The following PLCG2 variants were observed in gnomAD, a reference collection of about 807,000 sequenced individuals.
PLCG2 encodes the protein phospholipase C gamma 2, also known as 1-phosphatidylinositol 4,5-bisphosphate phosphodiesterase gamma-2.
Under a neutral mutation model 175.6 loss-of-function variants are expected in PLCG2, and 69 were observed. The observed-to-expected ratio is 0.39, with a 90% CI of 0.32 to 0.48. The LOEUF is 0.48. Ranked by LOEUF, PLCG2 falls within the 20% of genes least tolerant of loss-of-function variation. The probability of loss-of-function intolerance (pLI) is 0.91; values close to 1 mark genes in which losing one functional copy is unlikely to be tolerated. For missense variants in PLCG2, 1,798 were observed against 1,650.9 expected (o/e 1.09, Z -1.54); for synonymous variants, 827 against 624.0 (o/e 1.33, Z -4.85).
intron 11 of PLCG2, among the ~76,000 whole-genome samples, chr16:81,892,921 C>T (rs1010608123): frequency 2.0e-5 from 3 of 151,516 alleles, no homozygotes; most frequent in Non-Finnish European, 2.9e-5. Flanking sequence ...GATCTCAGCT[C>T]ACAACCTCCG....
At chr16:81,777,513 A>C (rs7195041), upstream of PLCG2, among the ~76,000 whole-genome samples, 85,039 of 151,258 alleles carry the variant, frequency 0.56, 24,352 homozygotes, top group South Asian at 0.75. Context: ...GAATTGGCCC[A>C]ATGACTTCAA....
intron 1 of PLCG2, among the ~76,000 whole-genome samples, chr16:81,783,514 A>T (rs758539452): frequency 1.2e-4 from 18 of 152,206 alleles, no homozygotes; most frequent in Non-Finnish European, 2.4e-4. Flanking sequence ...AGATGCTGCC[A>T]CAGGATTCTG....
chr16:81,837,831 T>C (rs1015029332), intron 2 of PLCG2, among the ~76,000 whole-genome samples: 4 of 152,116 alleles, frequency 2.6e-5, no homozygotes, highest in African/African-American at 9.7e-5. Flanking sequence ...AATGGTAATA[T>C]CTTGCAAACC....
intron 1 of PLCG2, among the ~76,000 whole-genome samples, chr16:81,784,706 C>G (rs1032972740): frequency 6.6e-6 from 1 of 152,180 alleles, no homozygotes; most frequent in African/African-American, 2.4e-5. Flanking sequence ...GATACATTAT[C>G]TTGTTTAAGC....
intron 1 of PLCG2, among the ~76,000 whole-genome samples, chr16:81,742,082 C>T (rs1201069142): frequency 2.7e-5 from 4 of 147,868 alleles, no homozygotes; most frequent in African/African-American, 1.0e-4. Flanking sequence ...TACTCGCTTC[C>T]TCCATGTGCT....
intron 1 of PLCG2, among the ~76,000 whole-genome samples, chr16:81,750,811 G>C (rs895718943): frequency 6.6e-6 from 1 of 150,586 alleles, no homozygotes; most frequent in African/African-American, 2.4e-5. Flanking sequence ...GGGACTACAG[G>C]CGCCTGCCAC....
intron 2 of PLCG2, among the ~76,000 whole-genome samples, chr16:81,851,174 C>G (rs1175169477): frequency 6.6e-6 from 1 of 152,162 alleles, no homozygotes; most frequent in African/African-American, 2.4e-5. Flanking sequence ...TCTTTAGTTA[C>G]TTTTTATTTT....
chr16:81,902,555 C>A (rs2143635622), intron 14 of PLCG2, among the ~76,000 whole-genome samples: 1 of 152,116 alleles, frequency 6.6e-6, no homozygotes, highest in East Asian at 1.9e-4. Flanking sequence ...ATAAGGGCAC[C>A]ATTCCCATTG....
intron 9 of PLCG2, among the ~76,000 whole-genome samples, chr16:81,884,273 C>T (rs1269656682): frequency 4.6e-5 from 7 of 152,060 alleles, no homozygotes; most frequent in Admixed American, 6.5e-5. Flanking sequence ...ATGGCTTGAA[C>T]CTGGGAGGTA....
chr16:81,843,506 C>G (rs1905944772), intron 2 of PLCG2, among the ~76,000 whole-genome samples: 1 of 152,180 alleles, frequency 6.6e-6, no homozygotes, highest in Admixed American at 6.5e-5. Flanking sequence ...AGCCAATTTC[C>G]TTAGTATCAC....
chr16:81,906,625 T>C (rs2143646321), intron 15 of PLCG2, among the ~76,000 whole-genome samples: 1 of 152,332 alleles, frequency 6.6e-6, no homozygotes, highest in East Asian at 1.9e-4. Context: ...TGTTTCGCCA[T>C]GTTGGCCAGG....
chr16:81,957,844 C>A, intron 32 of PLCG2, 112 bp from the exon 33 acceptor site: 2 of 918,610 alleles, frequency 2.2e-6, no homozygotes, highest in South Asian at 1.4e-5. Flanking sequence ...CAGCCCTATA[C>A]CATCCAGCTA....
intron 2 of PLCG2, among the ~76,000 whole-genome samples, chr16:81,814,353 G>C (rs544988551): frequency 1.6e-4 from 24 of 152,270 alleles, no homozygotes; most frequent in Non-Finnish European, 2.8e-4. Context: ...GAATGTTTAG[G>C]AGTGGAGGAT....
chr16:81,810,395 A>T (rs1010255892), intron 2 of PLCG2, among the ~76,000 whole-genome samples: 4 of 152,172 alleles, frequency 2.6e-5, no homozygotes, highest in Non-Finnish European at 5.9e-5. Flanking sequence ...GGCCTTCGTT[A>T]TTTGCAGCAT....
chr16:81,874,948 GTTTT>G (rs770994063), intron 7 of PLCG2, among the ~76,000 whole-genome samples: 12 of 40,766 alleles, frequency 2.9e-4, no homozygotes, highest in African/African-American at 8.6e-4. Context: ...TATCCTATGT[GTTTT>G]TTTTTTTTTT....
At chr16:81,756,198 C>T (rs906991055) in intron 2 of PLCG2, among the ~76,000 whole-genome samples, 2 of 152,236 alleles carry the variant, frequency 1.3e-5, no homozygotes, top group Admixed American at 1.3e-4. Context: ...GTCGGGGAGG[C>T]CCAATGGATG....
intron 21 of PLCG2, among the ~76,000 whole-genome samples, chr16:81,922,945 C>T (rs1429319180): frequency 1.3e-5 from 2 of 152,134 alleles, no homozygotes; most frequent in Non-Finnish European, 2.9e-5. Context: ...GTTACTCTTG[C>T]AAAATGTCAG....
intron 6 of PLCG2, 43 bp downstream of exon 6, chr16:81,869,341 T>A: frequency 7.3e-7 from 1 of 1,362,840 alleles, no homozygotes. Flanking sequence ...GAATGCGGAG[T>A]GACTTAGCCT....
chr16:81,853,966 T>G (rs1906553047), intron 2 of PLCG2, among the ~76,000 whole-genome samples: 1 of 152,132 alleles, frequency 6.6e-6, no homozygotes, highest in Non-Finnish European at 1.5e-5. Context: ...CTCTTCCCCC[T>G]TTAATTGAGC....
Sources: allele counts gnomAD v4.1 joint callset (sites outside exome capture counted in the v4.1 genomes callset), GRCh38; gene constraint gnomAD v4.1.1; transcripts MANE v1.5; gene names NCBI Gene and HGNC (gene_info 2026-07-23, HGNC 2026-07-21).